The following TMEM209 variants were observed in gnomAD, a reference collection of about 807,000 sequenced individuals.
TMEM209 encodes transmembrane protein 209.
In TMEM209, 65 loss-of-function variants were observed where a neutral mutation model predicts 76.2. That is an observed-to-expected ratio of 0.85 (90% CI 0.70 to 1.05). The LOEUF (loss-of-function observed/expected upper bound fraction) is 1.05, where lower values mean the gene tolerates loss of function less well. Among genes scored for constraint, TMEM209 ranks in the 50% least tolerant of loss-of-function variants. The pLI, the probability that TMEM209 is intolerant of heterozygous loss-of-function variation, is 0.00. For missense variants in TMEM209, 623 were observed against 685.5 expected, an observed-to-expected ratio of 0.91 and a Z score of 1.02; for synonymous variants, 239 against 237.6, an observed-to-expected ratio of 1.01 and a Z score of -0.06.
intron 5 of TMEM209, among the ~76,000 whole-genome samples, chr7:130,193,274 G>A (rs182399594): frequency 1.0e-3 from 159 of 152,236 alleles, no homozygotes; most frequent in Non-Finnish European, 1.8e-3. Flanking sequence ...TGCTGGGCAC[G>A]GTGGCTCACA....
chr7:130,182,285 G>A (rs1309473712), intron 8 of TMEM209, among the ~76,000 whole-genome samples: 6 of 148,090 alleles, frequency 4.1e-5, no homozygotes, highest in Non-Finnish European at 6.0e-5. Context: ...TTTTTTTCCT[G>A]AAAAAAAAAT....
intron 13 of TMEM209, 32 bp from the exon 14 acceptor site, chr7:130,170,505 A>G: frequency 6.4e-7 from 1 of 1,567,424 alleles, no homozygotes; most frequent in Non-Finnish European, 8.7e-7. Flanking sequence ...CAAGATTTAA[A>G]CCAAATGAAA....
At chr7:130,180,659 G>A (rs1207264520) in intron 9 of TMEM209, among the ~76,000 whole-genome samples, 6 of 152,056 alleles carry the variant, frequency 3.9e-5, no homozygotes, top group East Asian at 1.9e-4. Flanking sequence ...GTGAGCCACC[G>A]CGCCCGGCCA....
At chr7:130,173,344 A>G (rs1797134587) in intron 13 of TMEM209, among the ~76,000 whole-genome samples, 1 of 152,176 alleles carries the variant, frequency 6.6e-6, no homozygotes, top group Non-Finnish European at 1.5e-5. Flanking sequence ...TCTGCCTCTA[A>G]AAAGAGACAT....
At position 130,166,080 on chromosome 7, in the gene TMEM209, T is replaced by A. The variant is rs1450032147; in HGVS notation, c.*371A>T. 1 of 158,282 alleles carries A rather than the reference T, an allele frequency of 6.3e-6. No individual in the cohort carries two copies. The highest frequency in any genetic ancestry group is 1.4e-5 in the Non-Finnish European group (1 of 72,420). 9.8% of individuals were successfully genotyped at this position (158,282 alleles called of 1,614,324 possible). ...AAAAAAAAAAAGACTGAAAAAAATT[T>A]TTTTTTGGTACAAGAATCAGGTAGA... On this transcript the variant is annotated 3_prime_UTR_variant, in exon 15 of 15. Coordinates refer to ENST00000397622, the MANE Select transcript of TMEM209 (RefSeq NM_032842.4).
chr7:130,179,685 T>C lies in TMEM209; in HGVS notation c.1121-1158A>G, dbSNP rs535207459. On this transcript the variant is annotated intron_variant, in intron 9 of 14. Coordinates refer to ENST00000397622, the MANE Select transcript of TMEM209 (RefSeq NM_032842.4). ...TGGAGAGATGTGTATCTTCTAAGCCTTGAAATATATCCAGATGCATTGGCT... is the reference window on the plus strand; with the variant it reads ...TGGAGAGATGTGTATCTTCTAAGCCCTGAAATATATCCAGATGCATTGGCT... Among the ~76,000 whole-genome samples, 33 of 152,312 alleles carry C rather than the reference T, an allele frequency of 2.2e-4. No homozygotes were observed. In the South Asian group the frequency reaches 6.2e-3, roughly 29 times the overall value.
At chr7:130,202,285 C>G (rs1473994783) in intron 4 of TMEM209, among the ~76,000 whole-genome samples, 194 bp from the exon 5 acceptor site, 1 of 152,084 alleles carries the variant, frequency 6.6e-6, no homozygotes, top group African/African-American at 2.4e-5. Context: ...AAATTAGAAA[C>G]TGGTTTCAAC....
intron 5 of TMEM209, chr7:130,199,907 G>A (rs372669156): frequency 6.6e-6 from 1 of 151,916 alleles, no homozygotes; most frequent in Non-Finnish European, 1.5e-5. Context: ...GAATCACCCC[G>A]AAAAAGACAA....
At chr7:130,195,549 T>C (rs921025784) in intron 5 of TMEM209, among the ~76,000 whole-genome samples, 1 of 152,064 alleles carries the variant, frequency 6.6e-6, no homozygotes, top group Non-Finnish European at 1.5e-5. Flanking sequence ...AAATGAACTC[T>C]TGAATATAAT....
At chr7:130,190,245 C>T (rs1157855185) in intron 6 of TMEM209, among the ~76,000 whole-genome samples, 2 of 152,116 alleles carry the variant, frequency 1.3e-5, no homozygotes, top group Admixed American at 6.5e-5. Context: ...GGGCCAGGCG[C>T]GGTGGCTCAC....
At chr7:130,179,236 A>C (rs1212993831) in intron 9 of TMEM209, among the ~76,000 whole-genome samples, 2 of 152,130 alleles carry the variant, frequency 1.3e-5, no homozygotes, top group Admixed American at 6.5e-5. Context: ...CTCAATGTCG[A>C]AGGAATAAAT....
At chr7:130,188,203 C>T (rs1480337799) in intron 6 of TMEM209, among the ~76,000 whole-genome samples, 1 of 152,004 alleles carries the variant, frequency 6.6e-6, no homozygotes, top group Non-Finnish European at 1.5e-5. Context: ...CTGATGAGTC[C>T]ACAGTGACTA....
chr7:130,183,954 C>T (rs1457098473), intron 8 of TMEM209, among the ~76,000 whole-genome samples: 1 of 151,972 alleles, frequency 6.6e-6, no homozygotes, highest in Non-Finnish European at 1.5e-5. Context: ...ACATATTATT[C>T]CTTTATCTTC....
Position 130,192,607 on chromosome 7 carries a change from G to C in TMEM209, c.775+15C>G, listed in dbSNP as rs781764308. ...CAAAAATATGTATAGTAGATATACA[G>C]AAATATATATGTACCCAGCTTAACC... On this transcript the variant is annotated intron_variant, in intron 6 of 14. Transcript: ENST00000397622. 15 of 1,606,446 alleles carry C rather than the reference G, an allele frequency of 9.3e-6. No homozygotes were observed. The highest frequency in any genetic ancestry group is 1.3e-5 in the Non-Finnish European group (15 of 1,174,132).
Position 130,184,248 on chromosome 7 carries a change from G to C in TMEM209, c.959C>G (p.Ala320Gly), listed in dbSNP as rs1036496171. The C allele has an allele frequency of 1.3e-6, 2 of 1,599,280 alleles. No homozygotes were observed. Among genetic ancestry groups the C allele is most frequent in the Non-Finnish European group, 1.7e-6 (2 of 1,173,716 alleles). The stretch of plus-strand genomic sequence containing the variant: ...AAGTTGTCTATTCATAGCCACTCTT[G>C]CCCAGACCTATAAAAATTCATGTTT... ...SSKQAAEEVW[A>G]RVAMNRQLLD... Residue 320 changes from alanine to glycine, a missense_variant, in exon 8 of 15, where the codon GCA becomes GGA. Transcript: ENST00000397622.
rs1796878636 is a variant in TMEM209 at position 130,166,209 on chromosome 7, T to C, written c.*242A>G. The C allele has an allele frequency of 9.1e-6, 3 of 331,456 alleles. No individual in the cohort carries two copies. Among genetic ancestry groups the C allele is most frequent in the Non-Finnish European group, 1.1e-5 (2 of 184,664 alleles). The allele number at this position is 331,456 out of a possible 1,614,324, so 20.5% of individuals were successfully genotyped here. On this transcript the variant is annotated 3_prime_UTR_variant, in exon 15 of 15. Coordinates refer to ENST00000397622, the MANE Select transcript of TMEM209 (RefSeq NM_032842.4). Reference sequence around the variant, plus strand: ...ATAAAAATCCGAAGGGTTGCAGTTTTGTAGTCAACTGAAATTTCTGAAAAG... The same window carrying C: ...ATAAAAATCCGAAGGGTTGCAGTTTCGTAGTCAACTGAAATTTCTGAAAAG...
In TMEM209 at chr7:130,192,834, T is replaced by C; in HGVS notation, c.574-11A>G. ...GCTAAAGCTCGCCAACTATACAAAA[T>C]AAAAGATCTTTACTTTATTTTTCTT... On this transcript the variant is annotated splice_polypyrimidine_tract_variant and intron_variant, in intron 5 of 14. Coordinates refer to ENST00000397622, the MANE Select transcript of TMEM209 (RefSeq NM_032842.4). 5 of 1,609,036 alleles carry C rather than the reference T, an allele frequency of 3.1e-6. No individual in the cohort carries two copies. The South Asian group carries it at 4.4e-5, about 14-fold the overall frequency.
chr7:130,202,430 G>C, intron 4 of TMEM209, 102 bp downstream of exon 4: 1 of 1,447,916 alleles, frequency 6.9e-7, no homozygotes. Context: ...TAAGATAGCT[G>C]ATGTCCCTTC....
At position 130,202,527 on chromosome 7, in the gene TMEM209, C is replaced by A; in HGVS notation, c.331+5G>T. On this transcript the variant is annotated splice_donor_5th_base_variant and intron_variant, in intron 4 of 14. Coordinates refer to ENST00000397622, the MANE Select transcript of TMEM209 (RefSeq NM_032842.4). ...CCACCTTTGCAAGAGATATAAAACA[C>A]TCACCAGCTGTTTTCAACCCTAAAA... The A allele has an allele frequency of 6.2e-7, 1 of 1,602,676 alleles. No homozygotes were observed. Among genetic ancestry groups the A allele is most frequent in the Non-Finnish European group, 8.5e-7 (1 of 1,176,130 alleles).
Sources: allele counts gnomAD v4.1 joint callset (sites outside exome capture counted in the v4.1 genomes callset), GRCh38; gene constraint gnomAD v4.1.1; transcripts MANE v1.5; gene names NCBI Gene and HGNC (gene_info 2026-07-23, HGNC 2026-07-21).